Variants in CNGB3 observed in about 807,000 individuals in gnomAD.
CNGB3 encodes cyclic nucleotide gated channel subunit beta 3, also known as cyclic nucleotide-gated channel beta-3.
Under a neutral mutation model 92.8 loss-of-function variants are expected in CNGB3, and 86 were observed. That is an observed-to-expected ratio of 0.93 (90% CI 0.78 to 1.11). The LOEUF (loss-of-function observed/expected upper bound fraction) is 1.11. CNGB3 is among the 50% of genes least tolerant of loss of function. CNGB3 has a pLI of 0.00. For missense variants in CNGB3, 1,026 were observed against 956.8 expected (o/e 1.07, Z -0.95); for synonymous variants, 333 against 332.7 (o/e 1.00, Z -0.01).
At chr8:86,685,385 G>A (rs1225587167) in intron 3 of CNGB3, among the ~76,000 whole-genome samples, 7 of 151,946 alleles carry the variant, frequency 4.6e-5, no homozygotes, top group South Asian at 2.1e-4. Flanking sequence ...CAGAATCTGC[G>A]TTTTCACAAG....
chr8:86,648,990 C>T (rs1823346063), intron 7 of CNGB3, among the ~76,000 whole-genome samples: 1 of 151,412 alleles, frequency 6.6e-6, no homozygotes, highest in Non-Finnish European at 1.5e-5. Flanking sequence ...AAATCAGTAG[C>T]ACTGCTATAC....
chr8:86,619,085 G>T (rs1276083893), intron 13 of CNGB3, among the ~76,000 whole-genome samples: 1 of 152,192 alleles, frequency 6.6e-6, no homozygotes, highest in Non-Finnish European at 1.5e-5. Flanking sequence ...TTCCTTGTCG[G>T]ACTGTAGTAC....
intron 6 of CNGB3, among the ~76,000 whole-genome samples, chr8:86,663,734 A>C (rs1325658887): frequency 6.6e-6 from 1 of 152,222 alleles, no homozygotes; most frequent in Non-Finnish European, 1.5e-5. Context: ...AAATGTAATC[A>C]AGTTTCAAAG....
intron 2 of CNGB3, among the ~76,000 whole-genome samples, chr8:86,728,396 C>T (rs1358250819): frequency 1.2e-5 from 1 of 86,394 alleles, no homozygotes; most frequent in East Asian, 3.4e-4. Flanking sequence ...TACTAACAAG[C>T]TTTTGATAAA....
chr8:86,589,070 A>AGT (rs1176763568), intron 15 of CNGB3, among the ~76,000 whole-genome samples: 2 of 151,836 alleles, frequency 1.3e-5, no homozygotes, highest in Non-Finnish European at 2.9e-5. Flanking sequence ...GTCTTGGGAG[A>AGT]GTGTGTGTGT....
rs1825379484 is a variant in CNGB3 at position 86,743,632 on chromosome 8, T to C, written c.-5A>G. 3.1e-6 allele frequency: 5 copies of C among 1,613,780 alleles called. No homozygotes were observed. Among genetic ancestry groups the C allele is most frequent in the Admixed American group, 1.7e-5 (1 of 60,000 alleles). On this transcript the variant is annotated 5_prime_UTR_variant, in exon 1 of 18. Transcript: ENST00000320005. ...TTTTGTCAGCGATTTAAACATCTTCTCTGAGGTGGTTCTGAAAACCCTCTG... is the reference window on the plus strand; with the variant it reads ...TTTTGTCAGCGATTTAAACATCTTCCCTGAGGTGGTTCTGAAAACCCTCTG...
At chr8:86,591,909 C>A (rs1468648119) in intron 15 of CNGB3, among the ~76,000 whole-genome samples, 2 of 152,224 alleles carry the variant, frequency 1.3e-5, no homozygotes, top group African/African-American at 4.8e-5. Flanking sequence ...CTAAGCAAGC[C>A]TGGGCAATGG....
chr8:86,642,343 T>C (rs1823205673), intron 10 of CNGB3, among the ~76,000 whole-genome samples: 1 of 151,902 alleles, frequency 6.6e-6, no homozygotes, highest in Non-Finnish European at 1.5e-5. Context: ...TAGTTGTTTA[T>C]ATCAAAGTAA....
At chr8:86,617,773 T>C (rs941889258) in intron 13 of CNGB3, among the ~76,000 whole-genome samples, 8 of 152,162 alleles carry the variant, frequency 5.3e-5, no homozygotes, top group African/African-American at 1.9e-4. Context: ...ACTCTGAGGA[T>C]GAAACTAATC....
At chr8:86,578,984 G>A (rs1821711093) in intron 16 of CNGB3, 121 bp from the exon 17 acceptor site, 2 of 1,532,350 alleles carry the variant, frequency 1.3e-6, no homozygotes, top group Non-Finnish European at 1.8e-6. Context: ...ATTAATAGTT[G>A]TTCATTAAGC....
chr8:86,666,742 A>G (rs969981423), intron 6 of CNGB3, among the ~76,000 whole-genome samples, 183 bp downstream of exon 6: 3 of 152,216 alleles, frequency 2.0e-5, no homozygotes, highest in Non-Finnish European at 4.4e-5. Context: ...CATGTTCTCC[A>G]GCACATTGTG....
intron 7 of CNGB3, among the ~76,000 whole-genome samples, chr8:86,651,723 T>C (rs1823407779): frequency 1.3e-5 from 2 of 151,930 alleles, no homozygotes. Flanking sequence ...TTATTTCTCA[T>C]TGAACTGTAG....
chr8:86,694,165 G>A (rs1418701548), intron 3 of CNGB3, among the ~76,000 whole-genome samples: 5 of 134,964 alleles, frequency 3.7e-5, no homozygotes, highest in South Asian at 4.8e-4. Context: ...GCGGCTGGCC[G>A]GGCGGGGGGC....
chr8:86,608,524 G>A (rs564713478), intron 14 of CNGB3, among the ~76,000 whole-genome samples: 30 of 152,328 alleles, frequency 2.0e-4, no homozygotes, highest in African/African-American at 7.2e-4. Context: ...TGGAGGACCT[G>A]ACATCAGTCA....
At chr8:86,726,757 A>C (rs1355460724) in intron 2 of CNGB3, 100 bp from the exon 3 acceptor site, 1 of 1,391,594 alleles carries the variant, frequency 7.2e-7, no homozygotes, top group Non-Finnish European at 1.0e-6. Flanking sequence ...GTTTTTTAGA[A>C]TAGTCTTCTC....
At chr8:86,580,463 T>C (rs1018164902) in intron 15 of CNGB3, among the ~76,000 whole-genome samples, 14 of 152,210 alleles carry the variant, frequency 9.2e-5, no homozygotes, top group African/African-American at 3.1e-4. Context: ...CACTTCATGA[T>C]GCCCTGGTCA....
At chr8:86,640,909 G>A (rs1217229857) in intron 10 of CNGB3, among the ~76,000 whole-genome samples, 2 of 151,970 alleles carry the variant, frequency 1.3e-5, no homozygotes. Context: ...AAAAGGGGCT[G>A]GGTAAAATAA....
intron 13 of CNGB3, among the ~76,000 whole-genome samples, chr8:86,624,979 G>T (rs902500397): frequency 2.0e-5 from 3 of 152,026 alleles, no homozygotes; most frequent in Non-Finnish European, 4.4e-5. Context: ...CACCTGCCTT[G>T]GTCCTGCTCC....
chr8:86,633,650 G>A (rs1021695519), intron 10 of CNGB3, among the ~76,000 whole-genome samples: 3 of 152,136 alleles, frequency 2.0e-5, no homozygotes, highest in Non-Finnish European at 4.4e-5. Flanking sequence ...CCAGGTTCAA[G>A]GGAAGAGACA....
Sources: gnomAD v4.1 joint callset for allele counts (sites outside exome capture counted in the v4.1 genomes callset) on GRCh38, gnomAD v4.1.1 for gene constraint, MANE v1.5 for transcripts, NCBI Gene and HGNC (gene_info 2026-07-23, HGNC 2026-07-21) for gene names.